The following SP140 variants were observed in gnomAD, a reference collection of about 807,000 sequenced individuals.
The protein encoded by SP140 is SP140 nuclear body protein.
In SP140, 81 loss-of-function variants were observed where a neutral mutation model predicts 125.0. The ratio of observed to expected loss-of-function variants is 0.65; its 90% CI spans 0.54 to 0.78. The LOEUF (loss-of-function observed/expected upper bound fraction) is 0.78. Among genes scored for constraint, SP140 ranks in the 30% least tolerant of loss-of-function variants. The pLI, the probability that SP140 is intolerant of heterozygous loss-of-function variation, is 0.00. For missense variants in SP140, 858 were observed against 1,037.0 expected (o/e 0.83, Z 2.37); for synonymous variants, 312 against 354.0 (o/e 0.88, Z 1.33).
At chr2:230,225,190 C>G (rs1001017963), upstream of SP140, among the ~76,000 whole-genome samples, 15 of 152,122 alleles carry the variant, frequency 9.9e-5, no homozygotes, top group Non-Finnish European at 1.0e-4. Context: ...TGTAAAGTGC[C>G]CACATATTTG....
intron 3 of SP140, among the ~76,000 whole-genome samples, chr2:230,241,068 C>T (rs1392998528): frequency 1.3e-5 from 2 of 152,076 alleles, no homozygotes; most frequent in Non-Finnish European, 2.9e-5. Flanking sequence ...ACTGCATGAT[C>T]CTATTTATAT....
At chr2:230,302,209 C>T (rs1053260919) in intron 22 of SP140, among the ~76,000 whole-genome samples, 1 of 151,578 alleles carries the variant, frequency 6.6e-6, no homozygotes, top group Non-Finnish European at 1.5e-5. Context: ...TGCAGTGAAA[C>T]CCCATCTCTA....
intron 26 of SP140, 87 bp from the exon 27 acceptor site, chr2:230,312,499 G>T: frequency 2.4e-6 from 2 of 833,052 alleles, no homozygotes; most frequent in South Asian, 1.7e-5. Flanking sequence ...TTTTTTTAAA[G>T]ACAAGAGTCC....
chr2:230,286,101 T>G (rs1279441668), intron 17 of SP140, among the ~76,000 whole-genome samples: 1 of 152,226 alleles, frequency 6.6e-6, no homozygotes, highest in Non-Finnish European at 1.5e-5. Flanking sequence ...CAAATCATTG[T>G]TTTATTAAAA....
intron 12 of SP140, among the ~76,000 whole-genome samples, chr2:230,260,335 G>C (rs1307106677): frequency 6.6e-6 from 1 of 152,154 alleles, no homozygotes; most frequent in Non-Finnish European, 1.5e-5. Flanking sequence ...GTAGATTATG[G>C]ATATTAGTCT....
rs538423040 is a variant in SP140 at position 230,248,103 on chromosome 2, A to G, written c.892+38A>G. On this transcript the variant is annotated intron_variant, in intron 8 of 26. Transcript: ENST00000392045. ...GAAGCAGAGACATGTGTCAAGGGTG[A>G]AAATGAGAGTGCCAACATGGGGTGG... 5.8e-5 allele frequency: 93 copies of G among 1,602,108 alleles called. No homozygotes were observed. In the South Asian group the frequency reaches 1.0e-3, roughly 17 times the overall value.
At chr2:230,231,286 C>T (rs561872903) in intron 1 of SP140, among the ~76,000 whole-genome samples, 1 of 152,182 alleles carries the variant, frequency 6.6e-6, no homozygotes, top group Non-Finnish European at 1.5e-5. Context: ...TCTCTTCACA[C>T]TGTGTTACTT....
chr2:230,191,172 C>A, the SP140 span, among the ~76,000 whole-genome samples: 3 of 152,032 alleles, frequency 2.0e-5, no homozygotes. Context: ...GCACTAAATG[C>A]CCACATCAGG....
intron 15 of SP140, among the ~76,000 whole-genome samples, chr2:230,275,576 C>G (rs541122179): frequency 3.9e-5 from 6 of 152,258 alleles, no homozygotes; most frequent in African/African-American, 1.2e-4. Context: ...CTCTCTCCCT[C>G]TCTTTGACTT....
rs753706729 is a variant in SP140, at chr2:230,294,293, C to A, written c.1991C>A (p.Pro664Gln). The change falls in exon 21 of 27, where the codon CCA (proline) becomes CAA (glutamine). Residue 664 changes from proline to glutamine, a missense_variant. Around this residue, in one of 4 missense-constraint regions of SP140, gnomAD observed 791 missense variants for 869.5 expected, o/e 0.91. Coordinates refer to ENST00000392045, the MANE Select transcript of SP140 (RefSeq NM_007237.5). ...CAGAATGGATTTCTGCCTGATCCTC[C>A]AAGAATACGTTACAGGAAAAAAAAG... ...LMENGFLPDP[P>Q]RIRYRKKKRI... 1.2e-6 allele frequency: 2 copies of A among 1,612,732 alleles called. No individual in the cohort carries two copies. The highest frequency in any genetic ancestry group is 3.3e-5 in the Admixed American group (2 of 60,010).
At chr2:230,252,609 C>T (rs1216000596) in intron 10 of SP140, among the ~76,000 whole-genome samples, 1 of 152,168 alleles carries the variant, frequency 6.6e-6, no homozygotes, top group Non-Finnish European at 1.5e-5. Context: ...TTCTGACAGT[C>T]TCTATCAGAT....
Position 230,310,056 on chromosome 2 carries a change from C to T in SP140, c.2174+17C>T, listed in dbSNP as rs376240570. The T allele has an allele frequency of 8.7e-5, 140 of 1,611,452 alleles. No homozygotes were observed. Among genetic ancestry groups the T allele is most frequent in the Non-Finnish European group, 1.1e-4 (129 of 1,177,732 alleles). ...AGCTGAGAGGTAAGTGACATGCAGG[C>T]GTCTCTCTTTTTGTCCTTTAAGGGA... On this transcript the variant is annotated intron_variant, in intron 23 of 26. Transcript: ENST00000392045.
At chr2:230,243,045 G>A (rs1472311027) in intron 4 of SP140, among the ~76,000 whole-genome samples, 2 of 152,084 alleles carry the variant, frequency 1.3e-5, no homozygotes, top group Non-Finnish European at 1.5e-5. Context: ...GCATCCAAAG[G>A]CATCCACAAT....
chr2:230,197,363 A>G, the SP140 span, among the ~76,000 whole-genome samples: 11 of 151,268 alleles, frequency 7.3e-5, no homozygotes, highest in East Asian at 1.8e-3. Context: ...GTCTGTTCAT[A>G]TCCTTCGCCC....
intron 15 of SP140, among the ~76,000 whole-genome samples, chr2:230,275,429 A>G (rs1293956536): frequency 6.6e-6 from 1 of 152,130 alleles, no homozygotes; most frequent in Non-Finnish European, 1.5e-5. Flanking sequence ...TTATGGTAGT[A>G]TGAACAGTGG....
chr2:230,219,946 G>C (rs1220598620), intron 3 of SP140: 6 of 985,474 alleles, frequency 6.1e-6, no homozygotes, highest in Admixed American at 6.1e-5. Flanking sequence ...GATTGGGAGA[G>C]TTACAGGGAG....
At chr2:230,200,716 T>G, upstream of SP140, 1 of 650,720 alleles carries the variant, frequency 1.5e-6, no homozygotes, top group Non-Finnish European at 2.7e-6. Context: ...ATATTTGTAG[T>G]AGTAAATATC....
chr2:230,196,068 T>C, the SP140 span, among the ~76,000 whole-genome samples: 1 of 152,204 alleles, frequency 6.6e-6, no homozygotes, highest in Non-Finnish European at 1.5e-5. Context: ...AAAGTTTTAT[T>C]ACATCCAGCA....
chr2:230,255,567 T>C, intron 12 of SP140, 35 bp downstream of exon 12: 2 of 1,597,854 alleles, frequency 1.3e-6, no homozygotes, highest in Non-Finnish European at 1.7e-6. Flanking sequence ...GGCCCTGGGC[T>C]GCAGAGTGTC....
Sources: allele counts gnomAD v4.1 joint callset (sites outside exome capture counted in the v4.1 genomes callset), GRCh38; gene constraint gnomAD v4.1.1; regional missense constraint gnomAD v4.1.1; transcripts MANE v1.5; gene names NCBI Gene and HGNC (gene_info 2026-07-23, HGNC 2026-07-21).